Variants in RIT2 observed in about 807,000 individuals in gnomAD.
RIT2 encodes GTP-binding protein Rit2.
A neutral mutation model predicts 23.7 loss-of-function variants in RIT2; 24 were observed. The observed-to-expected ratio is 1.01, with a 90% CI of 0.73 to 1.43. The LOEUF (loss-of-function observed/expected upper bound fraction) is 1.43, where lower values mean the gene tolerates loss of function less well. Among genes scored for constraint, RIT2 ranks in the 40% most tolerant of loss-of-function variants. RIT2 has a pLI of 0.00. For synonymous variants in RIT2, 107 were observed against 91.1 expected, an observed-to-expected ratio of 1.17 and a Z score of -0.99; for missense variants, 236 against 266.9, an observed-to-expected ratio of 0.88 and a Z score of 0.81.
At chr18:43,022,544 A>G (rs1426361195) in intron 2 of RIT2, among the ~76,000 whole-genome samples, 2 of 152,104 alleles carry the variant, frequency 1.3e-5, no homozygotes, top group Non-Finnish European at 2.9e-5. Flanking sequence ...CTCTACATGT[A>G]ACAAGACATC....
chr18:42,812,924 A>G (rs1402671116), intron 4 of RIT2, among the ~76,000 whole-genome samples: 29 of 152,202 alleles, frequency 1.9e-4, no homozygotes, highest in Admixed American at 1.9e-3. Flanking sequence ...TTTTACAGAA[A>G]ATTAAACTAT....
chr18:43,106,678 G>C (rs1166794765), intron 1 of RIT2, among the ~76,000 whole-genome samples: 2 of 152,158 alleles, frequency 1.3e-5, no homozygotes, highest in Non-Finnish European at 2.9e-5. Context: ...GAAGAATCAG[G>C]TTTCTATCTG....
intron 2 of RIT2, among the ~76,000 whole-genome samples, chr18:43,010,729 C>T (rs1018451293): frequency 6.6e-6 from 1 of 151,614 alleles, no homozygotes; most frequent in African/African-American, 2.4e-5. Context: ...AAAATGCACC[C>T]ACACACACAC....
chr18:42,934,626 TAAC>T (rs1196565556), intron 3 of RIT2, among the ~76,000 whole-genome samples: 1 of 152,204 alleles, frequency 6.6e-6, no homozygotes, highest in Non-Finnish European at 1.5e-5. Context: ...AATATCATGT[TAAC>T]ATACAGCATG....
intron 4 of RIT2, among the ~76,000 whole-genome samples, chr18:42,827,636 G>T (rs1377727507): frequency 1.3e-5 from 2 of 152,054 alleles, no homozygotes; most frequent in Non-Finnish European, 2.9e-5. Flanking sequence ...ATAAACATAG[G>T]ATATGTATAG....
intron 3 of RIT2, among the ~76,000 whole-genome samples, chr18:42,943,598 T>C (rs908888344): frequency 1.3e-5 from 2 of 152,164 alleles, no homozygotes; most frequent in Non-Finnish European, 2.9e-5. Flanking sequence ...TGTATGCATA[T>C]CTCACATTTA....
intron 4 of RIT2, among the ~76,000 whole-genome samples, chr18:42,914,277 C>A (rs535244072): frequency 3.9e-5 from 6 of 152,052 alleles, no homozygotes; most frequent in Non-Finnish European, 8.8e-5. Context: ...TAAGATCTAG[C>A]AATTTTGCTC....
chr18:42,888,361 T>C (rs1286052168), intron 4 of RIT2, among the ~76,000 whole-genome samples: 1 of 152,008 alleles, frequency 6.6e-6, no homozygotes, highest in Non-Finnish European at 1.5e-5. Flanking sequence ...TGTTTTTTGT[T>C]TTTGTTTCTT....
At chr18:43,028,881 G>A (rs754602896) in intron 2 of RIT2, among the ~76,000 whole-genome samples, 53 of 152,014 alleles carry the variant, frequency 3.5e-4, no homozygotes, top group Non-Finnish European at 6.2e-4. Flanking sequence ...TTTAGACACA[G>A]AACAGGCCAT....
At chr18:42,762,549 C>T (rs1233391206) in intron 4 of RIT2, among the ~76,000 whole-genome samples, 1 of 152,124 alleles carries the variant, frequency 6.6e-6, no homozygotes, top group African/African-American at 2.4e-5. Flanking sequence ...TTGATACTCC[C>T]TCTGATTGGA....
intron 2 of RIT2, among the ~76,000 whole-genome samples, chr18:42,996,277 C>T (rs1287554716): frequency 6.6e-6 from 1 of 152,128 alleles, no homozygotes; most frequent in East Asian, 1.9e-4. Flanking sequence ...CCTAATCCCG[C>T]TCAAAGCAGC....
At chr18:42,821,442 T>G (rs1431727135) in intron 4 of RIT2, among the ~76,000 whole-genome samples, 1 of 152,120 alleles carries the variant, frequency 6.6e-6, no homozygotes, top group African/African-American at 2.4e-5. Context: ...AGGCCGTAAC[T>G]GTTACTTTAA....
At chr18:43,002,998 G>A (rs988334547) in intron 2 of RIT2, among the ~76,000 whole-genome samples, 4 of 151,856 alleles carry the variant, frequency 2.6e-5, no homozygotes, top group African/African-American at 9.7e-5. Context: ...ACTGAAGATA[G>A]GGGGCAGGTA....
intron 4 of RIT2, among the ~76,000 whole-genome samples, chr18:42,768,995 T>A (rs1050461687): frequency 6.6e-6 from 1 of 152,158 alleles, no homozygotes; most frequent in Non-Finnish European, 1.5e-5. Flanking sequence ...GAGAACTACA[T>A]CACTCTATCC....
At chr18:43,019,181 A>G (rs764313848) in intron 2 of RIT2, among the ~76,000 whole-genome samples, 9 of 151,970 alleles carry the variant, frequency 5.9e-5, no homozygotes, top group Non-Finnish European at 8.8e-5. Context: ...ATACAGACCG[A>G]AAATAAAGGG....
At chr18:42,805,904 T>TA (rs1304315505) in intron 4 of RIT2, among the ~76,000 whole-genome samples, 2 of 152,096 alleles carry the variant, frequency 1.3e-5, no homozygotes, top group African/African-American at 2.4e-5. Flanking sequence ...TTTCACTGAA[T>TA]ACTCATAGTT....
chr18:43,011,008 T>C (rs554620948), intron 2 of RIT2, among the ~76,000 whole-genome samples: 1 of 151,842 alleles, frequency 6.6e-6, no homozygotes, highest in South Asian at 2.1e-4. Flanking sequence ...GAAATACATG[T>C]GCAAGAAAAG....
At chr18:43,039,055 C>T (rs779155411) in intron 1 of RIT2, among the ~76,000 whole-genome samples, 5 of 152,132 alleles carry the variant, frequency 3.3e-5, no homozygotes, top group Non-Finnish European at 1.5e-5. Flanking sequence ...AAGATGAATA[C>T]CACTTTTCTA....
chr18:42,782,752 T>C (rs1913839826), intron 4 of RIT2, among the ~76,000 whole-genome samples: 2 of 152,132 alleles, frequency 1.3e-5, no homozygotes, highest in South Asian at 4.1e-4. Context: ...CCAAGCTTAA[T>C]GTGGCCTAGA....
Sources: gnomAD v4.1 joint callset for allele counts (sites outside exome capture counted in the v4.1 genomes callset) on GRCh38, gnomAD v4.1.1 for gene constraint, MANE v1.5 for transcripts, NCBI Gene and HGNC (gene_info 2026-07-23, HGNC 2026-07-21) for gene names.